The following VPS13D variants were observed in gnomAD, a reference collection of about 807,000 sequenced individuals.
VPS13D encodes intermembrane lipid transfer protein VPS13D.
In VPS13D, 187 loss-of-function variants were observed where a neutral mutation model predicts 461.9. The observed-to-expected ratio is 0.40, with a 90% CI of 0.36 to 0.46. The LOEUF (loss-of-function observed/expected upper bound fraction) is 0.46, where lower values mean the gene tolerates loss of function less well. Among genes scored for constraint, VPS13D ranks in the 20% least tolerant of loss-of-function variants. VPS13D has a pLI of 0.60. For missense variants in VPS13D, 4,711 were observed against 5,364.9 expected, an observed-to-expected ratio of 0.88 and a Z score of 3.81; for synonymous variants, 1,951 against 1,986.3, an observed-to-expected ratio of 0.98 and a Z score of 0.47.
At chr1:12,381,984 C>CTT (rs1557745739) in intron 57 of VPS13D, among the ~76,000 whole-genome samples, 7 of 63,308 alleles carry the variant, frequency 1.1e-4, no homozygotes, top group African/African-American at 2.9e-4. Flanking sequence ...CTTTCTTTCT[C>CTT]TCTCTCTCTC....
chr1:12,360,292 T>C lies in VPS13D; in HGVS notation c.10141+1691T>C, dbSNP rs573149066. The stretch of plus-strand genomic sequence containing the variant: ...GAATTTGTGGAATCTCCTGCTTGAA[T>C]ATTTTGAAGAATAGGATAGATAACC... On this transcript the variant is annotated intron_variant, in intron 50 of 69. Transcript: ENST00000620676. Among the ~76,000 whole-genome samples, 180 of 152,320 alleles carry C rather than the reference T, an allele frequency of 1.2e-3. 1 individual carries two copies. Among genetic ancestry groups the C allele is most frequent in the Non-Finnish European group, 1.8e-3 (124 of 68,030 alleles).
intron 32 of VPS13D, among the ~76,000 whole-genome samples, chr1:12,319,867 A>G (rs892306195): frequency 2.0e-5 from 3 of 152,102 alleles, no homozygotes; most frequent in Non-Finnish European, 4.4e-5. Context: ...TTTCTCTTAC[A>G]CCCTTTCTTC....
chr1:12,282,598 C>A, intron 20 of VPS13D, 107 bp from the exon 21 acceptor site: 1 of 1,101,316 alleles, frequency 9.1e-7, no homozygotes, highest in Non-Finnish European at 1.3e-6. Context: ...TATCAGGTAA[C>A]TTACAGCCTC....
chr1:12,462,442 C>T (rs1338590130), intron 67 of VPS13D, among the ~76,000 whole-genome samples: 1 of 152,240 alleles, frequency 6.6e-6, no homozygotes, highest in Non-Finnish European at 1.5e-5. Context: ...ATGTGCCAGG[C>T]ATTGTCTTTG....
chr1:12,342,952 C>T lies in VPS13D; in HGVS notation c.8786C>T (p.Thr2929Ile). Residue 2929 changes from threonine (T) to isoleucine (I), a missense_variant, in exon 42 of 70, where the codon ACA (threonine) becomes ATA (isoleucine). Thr to Ile is a moderately conservative substitution (Grantham distance 89). Coordinates refer to ENST00000620676, the MANE Select transcript of VPS13D (RefSeq NM_015378.4). ...SPGVVPEGNG[T>I]FLDDTHNVSE... ...GGGGTAGTTCCAGAAGGGAACGGAA[C>T]ATTTCTCGATGATACTCACAATGTT... is the stretch of plus-strand genomic sequence containing the variant. 6.2e-7 allele frequency: 1 copy of T among 1,613,864 alleles called. No individual in the cohort carries two copies. Among genetic ancestry groups the T allele is most frequent in the Non-Finnish European group, 8.5e-7 (1 of 1,179,786 alleles).
At position 12,510,554 on chromosome 1, in the gene VPS13D, TGC is replaced by T. The variant is rs748640775; in HGVS notation, c.*1542_*1543del. 7.9e-3 allele frequency: 1,157 copies of T among 147,280 alleles called. 7 individuals are homozygous for T. The highest frequency in any genetic ancestry group is 0.018 in the African/African-American group (703 of 39,426). The allele number at this position is 147,280 out of a possible 1,614,324, so 9.1% of individuals were successfully genotyped here. A position where few individuals can be genotyped will look rare whatever the true frequency, so the allele number is the denominator to read the frequency against. The stretch of plus-strand genomic sequence containing the variant: ...GTGTGTGTGTGTGTGTGTGTGTGTG[TGC>T]GCGCGCGCGCGTGCATGCAGAGAGG... On this transcript the variant is annotated 3_prime_UTR_variant, in exon 70 of 70. Coordinates refer to ENST00000620676, the MANE Select transcript of VPS13D (RefSeq NM_015378.4).
At position 12,299,834 on chromosome 1, in the gene VPS13D, T is replaced by C. The variant is rs1017700860; in HGVS notation, c.6216+450T>C. Among the ~76,000 whole-genome samples the C allele has an allele frequency of 1.3e-5, 2 of 152,132 alleles. No individual in the cohort carries two copies. Among genetic ancestry groups the C allele is most frequent in the Non-Finnish European group, 2.9e-5 (2 of 68,020 alleles). The stretch of plus-strand genomic sequence containing the variant: ...TTGGCCCGTGGTTTACTTGAAGCCA[T>C]TTAAAAATGTCTTAATAATAACATC... On this transcript the variant is annotated intron_variant, in intron 25 of 69. Transcript: ENST00000620676. This position sits in a 1 kb window ranked among gnomAD's most constrained non-coding sequence, Gnocchi z 4.2.
chr1:12,282,201 A>G (rs986918458), intron 20 of VPS13D, among the ~76,000 whole-genome samples: 5 of 152,206 alleles, frequency 3.3e-5, no homozygotes, highest in African/African-American at 1.2e-4. Context: ...AATATTTTTA[A>G]TAAGAAATTG....
chr1:12,311,339 A>G, intron 27 of VPS13D, 115 bp from the exon 28 acceptor site: 2 of 908,552 alleles, frequency 2.2e-6, no homozygotes, highest in Non-Finnish European at 3.1e-6. Context: ...GGAAGTAGGA[A>G]TTACCTACTT....
intron 36 of VPS13D, among the ~76,000 whole-genome samples, chr1:12,329,069 A>G (rs1643264385): frequency 6.6e-6 from 1 of 152,066 alleles, no homozygotes; most frequent in African/African-American, 2.4e-5. Context: ...TGTTTTGATG[A>G]ATATCTTTTC....
At chr1:12,398,781 C>T (rs1644533638) in intron 60 of VPS13D, among the ~76,000 whole-genome samples, 1 of 152,160 alleles carries the variant, frequency 6.6e-6, no homozygotes, top group Non-Finnish European at 1.5e-5. Flanking sequence ...GAAACTGTTA[C>T]AATTTGGTAG....
intron 22 of VPS13D, among the ~76,000 whole-genome samples, chr1:12,289,459 A>G (rs1370113152): frequency 6.6e-6 from 1 of 152,022 alleles, no homozygotes; most frequent in Non-Finnish European, 1.5e-5. Context: ...GCTCATGTTG[A>G]TGCTGTAGTA....
chr1:12,377,120 C>A (rs889375739), intron 55 of VPS13D, among the ~76,000 whole-genome samples: 1 of 150,594 alleles, frequency 6.6e-6, no homozygotes, highest in Non-Finnish European at 1.5e-5. Context: ...AGTGCAATGG[C>A]GCAATCTTGG....
At chr1:12,313,400 C>T (rs1007491316) in intron 29 of VPS13D, among the ~76,000 whole-genome samples, 7 of 150,298 alleles carry the variant, frequency 4.7e-5, no homozygotes, top group Admixed American at 4.0e-4. Context: ...CTCCACATCC[C>T]TGGCTCAAGT....
chr1:12,478,946 G>A lies in VPS13D; in HGVS notation c.12662+18550G>A, dbSNP rs116335136. On this transcript the variant is annotated intron_variant, in intron 67 of 69. Coordinates refer to ENST00000620676, the MANE Select transcript of VPS13D (RefSeq NM_015378.4). ...TGCCGTTTTCCTTCCCCATCACCTC[G>A]AAAGCTGTTAATAGCCTTGCTTTCT... The A allele has an allele frequency of 1.8e-3, 825 of 453,908 alleles. 5 individuals carry two copies. Among genetic ancestry groups the A allele is most frequent in the African/African-American group, 0.013 (647 of 50,090 alleles). 28.1% of individuals were successfully genotyped at this position (453,908 alleles called of 1,614,324 possible).
chr1:12,400,242 A>G lies in VPS13D; in HGVS notation c.11696A>G (p.Asn3899Ser). Residue 3899 changes from asparagine (N) to serine (S), a missense_variant, in exon 61 of 70, where the codon AAT (asparagine) becomes AGT (serine). Coordinates refer to ENST00000620676, the MANE Select transcript of VPS13D (RefSeq NM_015378.4). ...PFMLYVTPLS[N>S]ENEVIETGPA... is the part of the protein sequence containing the mutation. Reference sequence around the variant, plus strand: ...ATGCTCTATGTGACTCCCCTGAGCAATGAGAATGAGGTCATCGAGACCGGC... The same window carrying G: ...ATGCTCTATGTGACTCCCCTGAGCAGTGAGAATGAGGTCATCGAGACCGGC... 1 of 1,614,148 alleles carries G rather than the reference A, an allele frequency of 6.2e-7. No individual in the cohort carries two copies. Among genetic ancestry groups the G allele is most frequent in the Non-Finnish European group, 8.5e-7 (1 of 1,180,024 alleles).
Position 12,385,243 on chromosome 1 carries a change from GT to G in VPS13D, c.11371-13del, listed in dbSNP as rs567864981. ...GAAGAGTGAATCATCTTCTTGTGGT[GT>G]TTTATTTGACTTCAGATAACAGATT... is the stretch of plus-strand genomic sequence containing the variant. On this transcript the variant is annotated splice_polypyrimidine_tract_variant and intron_variant, in intron 58 of 69. Transcript: ENST00000620676. 157 of 1,603,104 alleles carry G rather than the reference GT, an allele frequency of 9.8e-5. No individual in the cohort carries two copies. The highest frequency in any genetic ancestry group is 3.3e-4 in the Middle Eastern group (2 of 6,052).
chr1:12,339,984 C>G lies in VPS13D; in HGVS notation c.8626+1679C>G, dbSNP rs577143864. On this transcript the variant is annotated intron_variant, in intron 40 of 69. Coordinates refer to ENST00000620676, the MANE Select transcript of VPS13D (RefSeq NM_015378.4). ...CTCACAGTGGGATATGAAAGCACAT[C>G]TGGCTTCTTTTTCTCCTGGGCCCTT... is the stretch of plus-strand genomic sequence containing the variant. 3.3e-3 allele frequency among the ~76,000 whole-genome samples: 509 copies of G among 152,314 alleles called. 6 individuals carry two copies. Among genetic ancestry groups the G allele is most frequent in the Non-Finnish European group, 4.5e-3 (305 of 68,032 alleles).
intron 10 of VPS13D, among the ~76,000 whole-genome samples, chr1:12,258,470 G>A (rs987065252): frequency 5.9e-5 from 9 of 152,262 alleles, no homozygotes; most frequent in African/African-American, 1.7e-4. Context: ...GTGAACTTTG[G>A]CCTACGTTTT....
Sources: allele counts gnomAD v4.1 joint callset (sites outside exome capture counted in the v4.1 genomes callset), GRCh38; gene constraint gnomAD v4.1.1; non-coding constraint Gnocchi (gnomAD v3.1); transcripts MANE v1.5; gene names NCBI Gene and HGNC (gene_info 2026-07-23, HGNC 2026-07-21).